The following FAM184A variants were observed in gnomAD, a reference collection of about 807,000 sequenced individuals.
The protein encoded by FAM184A is family with sequence similarity 184 member A.
In FAM184A, 99 loss-of-function variants were observed where a neutral mutation model predicts 143.8. The ratio of observed to expected loss-of-function variants is 0.69; its 90% CI spans 0.58 to 0.81. The LOEUF is 0.81. FAM184A is among the 40% of genes least tolerant of loss of function. The probability of loss-of-function intolerance (pLI) is 0.00; values close to 1 mark genes in which losing one functional copy is unlikely to be tolerated. For missense variants in FAM184A, 1,217 were observed against 1,310.5 expected, an observed-to-expected ratio of 0.93 and a Z score of 1.10; for synonymous variants, 427 against 446.4, an observed-to-expected ratio of 0.96 and a Z score of 0.55.
chr6:119,114,831 G>A (rs1789017387), intron 1 of FAM184A, among the ~76,000 whole-genome samples: 1 of 152,040 alleles, frequency 6.6e-6, no homozygotes, highest in African/African-American at 2.4e-5. Flanking sequence ...ATGCTAGGAT[G>A]ACATGAGTGA....
intron 9 of FAM184A, among the ~76,000 whole-genome samples, chr6:118,986,116 A>T (rs1478481412): frequency 6.6e-6 from 1 of 151,932 alleles, no homozygotes; most frequent in African/African-American, 2.4e-5. Context: ...ACACGGTGAA[A>T]CCCCGTCTCT....
chr6:119,045,678 T>C (rs1786502737), intron 1 of FAM184A, among the ~76,000 whole-genome samples: 1 of 152,110 alleles, frequency 6.6e-6, no homozygotes, highest in Admixed American at 6.5e-5. Context: ...AGATGCAAAA[T>C]GCACCACAGT....
intron 9 of FAM184A, among the ~76,000 whole-genome samples, chr6:118,982,813 G>C (rs927080910): frequency 2.0e-5 from 3 of 152,150 alleles, no homozygotes; most frequent in African/African-American, 7.2e-5. Flanking sequence ...TGAATGACTG[G>C]AAGTACCACA....
chr6:119,032,585 A>G (rs1785927459), intron 1 of FAM184A, among the ~76,000 whole-genome samples: 1 of 113,680 alleles, frequency 8.8e-6, no homozygotes, highest in Admixed American at 1.1e-4. Context: ...GAGGAAGAGG[A>G]GGAGAAGAGC....
chr6:118,990,017 C>T (rs534608147), intron 9 of FAM184A, among the ~76,000 whole-genome samples: 30 of 151,942 alleles, frequency 2.0e-4, no homozygotes, highest in African/African-American at 6.5e-4. Flanking sequence ...TTAGTAGAGA[C>T]GGGGTTTCAC....
At chr6:119,086,480 A>C (rs900555119) in intron 1 of FAM184A, among the ~76,000 whole-genome samples, 1 of 152,208 alleles carries the variant, frequency 6.6e-6, no homozygotes, top group Non-Finnish European at 1.5e-5. Context: ...CTGAAGGCTG[A>C]GTTTTTCAGG....
chr6:119,117,293 C>A (rs970221438), intron 1 of FAM184A, among the ~76,000 whole-genome samples: 2 of 152,160 alleles, frequency 1.3e-5, no homozygotes, highest in African/African-American at 4.8e-5. Flanking sequence ...TTTTGGTGAC[C>A]ATGTACATAG....
In FAM184A at chr6:119,042,959, G is replaced by A. The variant is rs182281913; in HGVS notation, c.160-18146C>T. ...ATCTGCATCCTGAACAATGTGTCCC[G>A]AGTTCTCCCCACACCTGCCCAAATT... On this transcript the variant is annotated intron_variant, in intron 1 of 17. Coordinates refer to ENST00000338891, the MANE Select transcript of FAM184A (RefSeq NM_024581.6). Among the ~76,000 whole-genome samples, 11 of 152,150 alleles carry A rather than the reference G, an allele frequency of 7.2e-5. No individual in the cohort carries two copies. The East Asian group carries it at 1.7e-3, about 24-fold the overall frequency.
chr6:119,027,479 T>C (rs564284093), intron 1 of FAM184A, among the ~76,000 whole-genome samples: 18 of 152,256 alleles, frequency 1.2e-4, no homozygotes, highest in Admixed American at 8.5e-4. Context: ...GATAGGATCA[T>C]TGGACACAGT....
At chr6:118,994,086 G>T (rs1313194169) in intron 9 of FAM184A, among the ~76,000 whole-genome samples, 1 of 152,118 alleles carries the variant, frequency 6.6e-6, no homozygotes, top group Non-Finnish European at 1.5e-5. Context: ...CTCAGGTAAA[G>T]AATTCCACAT....
chr6:119,034,037 TATATAGAGAGAGAGAGAGAGAGAG>T (rs1434624035), intron 1 of FAM184A, among the ~76,000 whole-genome samples: 1 of 42,086 alleles, frequency 2.4e-5, no homozygotes, highest in Non-Finnish European at 4.0e-5. Flanking sequence ...TATATATATA[TATATAGAGAGAGAGAGAGAGAGAG>T]AGAGAGAGAG....
intron 1 of FAM184A, among the ~76,000 whole-genome samples, chr6:119,087,088 C>G (rs930958442): frequency 6.6e-6 from 1 of 152,078 alleles, no homozygotes; most frequent in Non-Finnish European, 1.5e-5. Flanking sequence ...ATTTTTTAGG[C>G]CTTCCCAAAT....
At position 119,105,288 on chromosome 6, in the gene FAM184A, A is replaced by C. The variant is rs530720446; in HGVS notation, c.-202+43790T>G. Reference sequence around the variant, plus strand: ...TGTCCTCACCCAAATTTCATCTTGAATTGTAATCCCCACGTGTTGGAGGAG... The same window carrying C: ...TGTCCTCACCCAAATTTCATCTTGACTTGTAATCCCCACGTGTTGGAGGAG... On this transcript the variant is annotated intron_variant, in intron 1 of 16. Transcript: ENST00000352896. Among the ~76,000 whole-genome samples the C allele has an allele frequency of 3.3e-5, 5 of 152,254 alleles. No individual in the cohort carries two copies. The East Asian group carries it at 7.7e-4, about 23-fold the overall frequency.
chr6:118,974,608 T>C (rs1319663444), intron 13 of FAM184A, 34 bp from the exon 14 acceptor site: 1 of 1,544,954 alleles, frequency 6.5e-7, no homozygotes, highest in East Asian at 2.3e-5. Flanking sequence ...GAAAATGTTA[T>C]TCTGAAGTCA....
At chr6:118,990,559 A>G (rs894257107) in intron 9 of FAM184A, among the ~76,000 whole-genome samples, 1 of 144,660 alleles carries the variant, frequency 6.9e-6, no homozygotes, top group Non-Finnish European at 1.5e-5. Flanking sequence ...TAACTGAAGT[A>G]ACCTTTTTCA....
chr6:119,035,962 T>C (rs1786097631), intron 1 of FAM184A, among the ~76,000 whole-genome samples: 1 of 152,202 alleles, frequency 6.6e-6, no homozygotes, highest in South Asian at 2.1e-4. Flanking sequence ...TCAGGGGACA[T>C]TGGTCACTCA....
intron 9 of FAM184A, among the ~76,000 whole-genome samples, chr6:118,991,703 G>A (rs568226204): frequency 4.1e-5 from 6 of 148,114 alleles, no homozygotes; most frequent in Non-Finnish European, 7.4e-5. Flanking sequence ...AGTGAGAGTC[G>A]GAATAACGGA....
chr6:119,117,110 G>T (rs960039843), intron 1 of FAM184A, among the ~76,000 whole-genome samples: 1 of 152,186 alleles, frequency 6.6e-6, no homozygotes, highest in Non-Finnish European at 1.5e-5. Flanking sequence ...TGCAATCATC[G>T]AGTTTGGAGG....
At chr6:118,982,344 C>A (rs1223679375) in intron 9 of FAM184A, among the ~76,000 whole-genome samples, 3 of 152,142 alleles carry the variant, frequency 2.0e-5, no homozygotes, top group African/African-American at 7.2e-5. Context: ...AACCCTAGTC[C>A]CAGCCTAAGC....
Sources: gnomAD v4.1 joint callset for allele counts (sites outside exome capture counted in the v4.1 genomes callset) on GRCh38, gnomAD v4.1.1 for gene constraint, MANE v1.5 for transcripts, NCBI Gene and HGNC (gene_info 2026-07-23, HGNC 2026-07-21) for gene names.